ALPK2: variants seen among roughly 807,000 people sequenced by gnomAD.
The protein encoded by ALPK2 is alpha kinase 2.
ALPK2 carries 127 observed loss-of-function variants against 163.1 expected under a neutral mutation model. That is an observed-to-expected ratio of 0.78 (90% CI 0.67 to 0.90). The LOEUF is 0.90. Among genes scored for constraint, ALPK2 ranks in the 40% least tolerant of loss-of-function variants. The probability of loss-of-function intolerance (pLI) is 0.00; values close to 1 mark genes in which losing one functional copy is unlikely to be tolerated. For synonymous variants in ALPK2, 953 were observed against 959.1 expected (o/e 0.99, Z 0.12); for missense variants, 2,360 against 2,589.6 (o/e 0.91, Z 1.92).
chr18:58,535,174 A>T lies in ALPK2; in HGVS notation c.5013T>A (p.Asp1671Glu). 6.2e-7 allele frequency: 1 copy of T among 1,613,964 alleles called. No homozygotes were observed. The highest frequency in any genetic ancestry group is 8.5e-7 in the Non-Finnish European group (1 of 1,179,996). Reference protein sequence around the residue: ...ELEKAPKLLQDPCQKGTLGCA... With the variant: ...ELEKAPKLLQEPCQKGTLGCA... ...AGCCCAGGGTGCCCTTTTGACATGG[A>T]TCCTGCAGTAATTTAGGGGCTTTCT... is the stretch of plus-strand genomic sequence containing the variant. The change falls in exon 5 of 13, where the codon GAT (aspartate) becomes GAA (glutamate). Residue 1671 changes from aspartate (D) to glutamate (E), a missense_variant. By Grantham distance (45) the Asp-to-Glu change is conservative (BLOSUM62 2). Coordinates refer to ENST00000361673, the MANE Select transcript of ALPK2 (RefSeq NM_052947.4).
At chr18:58,505,873 C>T (rs967992763) in intron 10 of ALPK2, among the ~76,000 whole-genome samples, 1 of 151,990 alleles carries the variant, frequency 6.6e-6, no homozygotes, top group Non-Finnish European at 1.5e-5. Context: ...GTGGATCTCT[C>T]ACTTCTTTCT....
intron 1 of ALPK2, among the ~76,000 whole-genome samples, chr18:58,626,829 A>G (rs2144247295): frequency 6.6e-6 from 1 of 152,130 alleles, no homozygotes; most frequent in East Asian, 1.9e-4. Context: ...CAGATAATGT[A>G]TAGTTTCTAT....
intron 8 of ALPK2, among the ~76,000 whole-genome samples, chr18:58,518,002 C>T (rs1291391180): frequency 6.6e-6 from 1 of 151,772 alleles, no homozygotes; most frequent in Non-Finnish European, 1.5e-5. Flanking sequence ...TCAGGAAGGT[C>T]CACTTTAAAC....
At chr18:58,523,704 G>T in intron 8 of ALPK2, 102 bp downstream of exon 8, 1 of 1,444,824 alleles carries the variant, frequency 6.9e-7, no homozygotes. Flanking sequence ...TTCTCGGTTG[G>T]AAGAGTCCAG....
chr18:58,543,022 G>A (rs2051698251), intron 4 of ALPK2, among the ~76,000 whole-genome samples: 1 of 151,998 alleles, frequency 6.6e-6, no homozygotes, highest in South Asian at 2.1e-4. Flanking sequence ...CCTCATAGAG[G>A]GATTAATCCA....
chr18:58,550,328 C>T (rs1350386516), intron 4 of ALPK2, among the ~76,000 whole-genome samples: 2 of 150,916 alleles, frequency 1.3e-5, no homozygotes, highest in African/African-American at 4.9e-5. Context: ...AAAACCCTAT[C>T]CCTGCCTTCA....
chr18:58,545,248 CA>C (rs2051711758), intron 4 of ALPK2: 3 of 151,434 alleles, frequency 2.0e-5, no homozygotes, highest in Non-Finnish European at 2.9e-5. Context: ...CACACACACA[CA>C]CACACTATTA....
rs1671996267 is a variant in ALPK2, at chr18:58,529,177, T to C, written c.5415A>G (p.Lys1805=). 6.2e-7 allele frequency: 1 copy of C among 1,614,064 alleles called. No homozygotes were observed. Among genetic ancestry groups the C allele is most frequent in the Admixed American group, 1.7e-5 (1 of 60,024 alleles). The change falls in exon 6 of 13, where the codon AAA becomes AAG. Residue 1805 remains lysine, a synonymous_variant. Transcript: ENST00000361673. ...GAATTTCTGCAAATTGGCAGCTTAA[T>C]TTTACATTTCCAGAGTGTTCAGGGA... ...EMFPEHSGNV[K]LSCQFAEIHE... is the part of the protein sequence containing the mutation.
intron 11 of ALPK2, among the ~76,000 whole-genome samples, chr18:58,500,947 G>A (rs1047740206): frequency 1.4e-4 from 21 of 152,146 alleles, no homozygotes; most frequent in Non-Finnish European, 2.5e-4. Flanking sequence ...TTCTAAATGA[G>A]CAAATGCAGC....
At position 58,536,935 on chromosome 18, in the gene ALPK2, G is replaced by A. The variant is rs375744631; in HGVS notation, c.3252C>T (p.His1084=). 36 of 1,614,094 alleles carry A rather than the reference G, an allele frequency of 2.2e-5. No individual in the cohort carries two copies. The Admixed American group carries it at 5.7e-4, about 25-fold the overall frequency. ...CTCCCTCTGGGAGCTGCAGGACATG[G>A]TGTGGGACTCCTGGCACACTGGGTG... ...CRAPSVPGVP[H]HVLQLPEGEG... Residue 1084 remains histidine (H), a synonymous_variant, in exon 5 of 13, where the codon CAC becomes CAT. Coordinates refer to ENST00000361673, the MANE Select transcript of ALPK2 (RefSeq NM_052947.4).
rs2051310630 is a variant in ALPK2 at position 58,481,451 on chromosome 18, T to C, written c.*372A>G. ...AGAAATCCCAGGTTAGGAATGACAG[T>C]GGGAAGAATTTTGGCTGTGAACAGA... On this transcript the variant is annotated 3_prime_UTR_variant, in exon 13 of 13. Transcript: ENST00000361673. 1 of 224,860 alleles carries C rather than the reference T, an allele frequency of 4.4e-6. No individual in the cohort carries two copies. The highest frequency in any genetic ancestry group is 8.8e-6 in the Non-Finnish European group (1 of 113,104). 13.9% of individuals were successfully genotyped at this position (224,860 alleles called of 1,614,324 possible).
At chr18:58,530,570 G>A (rs1306188539) in intron 5 of ALPK2, among the ~76,000 whole-genome samples, 1 of 152,164 alleles carries the variant, frequency 6.6e-6, no homozygotes, top group Non-Finnish European at 1.5e-5. Context: ...GGGTGATGTG[G>A]GGACACCTAA....
intron 1 of ALPK2, among the ~76,000 whole-genome samples, chr18:58,613,698 C>CAA (rs1223191157): frequency 9.8e-4 from 56 of 57,242 alleles, no homozygotes; most frequent in African/African-American, 4.0e-3. Flanking sequence ...GACTCCATCT[C>CAA]AAAAAAAAAA....
chr18:58,536,015 T>G lies in ALPK2; in HGVS notation c.4172A>C (p.Lys1391Thr). 6.2e-7 allele frequency: 1 copy of G among 1,611,976 alleles called. No individual in the cohort carries two copies. Among genetic ancestry groups the G allele is most frequent in the Non-Finnish European group, 8.5e-7 (1 of 1,178,690 alleles). Reference protein sequence around the residue: ...LKMDHTAFFKKFLTCPKILES... With the variant: ...LKMDHTAFFKTFLTCPKILES... ...TAGGATTTTAGGGCAGGTCAGAAACTTTTTAAAGAAGGCAGTGTGATCCAT... is the reference window on the plus strand; with the variant it reads ...TAGGATTTTAGGGCAGGTCAGAAACGTTTTAAAGAAGGCAGTGTGATCCAT... Residue 1391 changes from lysine (K) to threonine (T), a missense_variant, in exon 5 of 13, where the codon AAG becomes ACG. Lys to Thr is a moderately conservative substitution (Grantham distance 78, BLOSUM62 -1). Coordinates refer to ENST00000361673, the MANE Select transcript of ALPK2 (RefSeq NM_052947.4).
chr18:58,570,475 T>C (rs2051880188), intron 4 of ALPK2, among the ~76,000 whole-genome samples: 1 of 152,240 alleles, frequency 6.6e-6, no homozygotes, highest in South Asian at 2.1e-4. Flanking sequence ...TAACATGAAG[T>C]TTCATACCAC....
intron 5 of ALPK2, among the ~76,000 whole-genome samples, chr18:58,533,288 G>A (rs1397850548): frequency 1.3e-5 from 2 of 152,090 alleles, no homozygotes; most frequent in African/African-American, 4.8e-5. Context: ...AAAGTCACAG[G>A]CAAGAATTCC....
intron 9 of ALPK2, among the ~76,000 whole-genome samples, chr18:58,516,226 GA>G (rs111886768): frequency 2.6e-3 from 353 of 135,860 alleles, no homozygotes; most frequent in African/African-American, 6.1e-3. Flanking sequence ...TCTCAAAAAA[GA>G]AAAAAAAAAA....
chr18:58,485,260 G>A (rs764117288), intron 12 of ALPK2, among the ~76,000 whole-genome samples: 1 of 152,218 alleles, frequency 6.6e-6, no homozygotes, highest in Non-Finnish European at 1.5e-5. Context: ...TTCTGTAGCT[G>A]TTATGATTCA....
At chr18:58,514,234 A>G (rs1307163044) in intron 10 of ALPK2, among the ~76,000 whole-genome samples, 1 of 152,196 alleles carries the variant, frequency 6.6e-6, no homozygotes. Flanking sequence ...CACCCAAGGG[A>G]AACTATTTTT....
Sources: allele counts gnomAD v4.1 joint callset (sites outside exome capture counted in the v4.1 genomes callset), GRCh38; gene constraint gnomAD v4.1.1; transcripts MANE v1.5; gene names NCBI Gene and HGNC (gene_info 2026-07-23, HGNC 2026-07-21).